Variants in NDST4 observed in about 807,000 individuals in gnomAD.
The protein encoded by NDST4 is N-deacetylase and N-sulfotransferase 4, also known as N-heparan sulfate sulfotransferase 4.
A neutral mutation model predicts 100.8 loss-of-function variants in NDST4; 63 were observed. The ratio of observed to expected loss-of-function variants is 0.62; its 90% CI spans 0.51 to 0.77. NDST4 has a LOEUF of 0.77. Among genes scored for constraint, NDST4 ranks in the 30% least tolerant of loss-of-function variants. NDST4 has a pLI of 0.00. For missense variants in NDST4, 943 were observed against 1,018.4 expected (o/e 0.93, Z 1.01); for synonymous variants, 377 against 361.8 (o/e 1.04, Z -0.48).
chr4:115,025,869 C>CA (rs989897016), intron 2 of NDST4, among the ~76,000 whole-genome samples: 2 of 152,024 alleles, frequency 1.3e-5, no homozygotes, highest in African/African-American at 4.8e-5. Context: ...GTAAATTCTG[C>CA]AAAAATCTTT....
At chr4:115,086,131 CTT>C (rs998274652) in intron 1 of NDST4, among the ~76,000 whole-genome samples, 1 of 152,076 alleles carries the variant, frequency 6.6e-6, no homozygotes, top group African/African-American at 2.4e-5. Flanking sequence ...AATGCAGTCT[CTT>C]ATGATTCTGA....
intron 4 of NDST4, among the ~76,000 whole-genome samples, chr4:114,962,908 T>C (rs1433146065): frequency 2.0e-5 from 3 of 151,994 alleles, no homozygotes; most frequent in Non-Finnish European, 4.4e-5. Flanking sequence ...ATAATAAAGG[T>C]AGATAATAAC....
chr4:114,996,026 C>T (rs1264674596), intron 2 of NDST4, among the ~76,000 whole-genome samples: 1 of 152,022 alleles, frequency 6.6e-6, no homozygotes, highest in Non-Finnish European at 1.5e-5. Flanking sequence ...GCTGACATTT[C>T]CATAGGAAAC....
intron 2 of NDST4, among the ~76,000 whole-genome samples, chr4:115,030,941 A>G (rs1321483405): frequency 6.6e-6 from 1 of 152,118 alleles, no homozygotes; most frequent in African/African-American, 2.4e-5. Context: ...CACACCCTGT[A>G]AACAACTGTA....
intron 2 of NDST4, among the ~76,000 whole-genome samples, chr4:114,987,242 G>T (rs764579240): frequency 1.2e-4 from 19 of 152,176 alleles, no homozygotes; most frequent in Non-Finnish European, 2.5e-4. Flanking sequence ...TGGGAGACAA[G>T]GAGTTTATAA....
At chr4:114,957,267 C>G (rs977353616) in intron 4 of NDST4, among the ~76,000 whole-genome samples, 1 of 152,308 alleles carries the variant, frequency 6.6e-6, no homozygotes, top group African/African-American at 2.4e-5. Context: ...TTCCACATGG[C>G]TGGGGAGGTC....
At chr4:114,867,665 C>CAAAAAAAAAAAAAAAAGA (rs1724061643) in intron 7 of NDST4, among the ~76,000 whole-genome samples, 2 of 79,900 alleles carry the variant, frequency 2.5e-5, no homozygotes, top group East Asian at 4.0e-4. Flanking sequence ...AAAAAAAAAG[C>CAAAAAAAAAAAAAAAAGA]AAAAAAAAAA....
chr4:114,952,388 G>C (rs1341628114), intron 4 of NDST4, among the ~76,000 whole-genome samples: 1 of 151,966 alleles, frequency 6.6e-6, no homozygotes, highest in Non-Finnish European at 1.5e-5. Flanking sequence ...TTTGGTGGGT[G>C]GGAGGGTCTG....
Position 114,839,482 on chromosome 4 carries a change from G to A in NDST4, c.2182C>T (p.His728Tyr). 1 of 1,613,976 alleles carries A rather than the reference G, an allele frequency of 6.2e-7. No homozygotes were observed. The highest frequency in any genetic ancestry group is 8.5e-7 in the Non-Finnish European group (1 of 1,179,914). ...GTTTTTAAGTCAGATGGAGCCCAAT[G>A]TCCTGTTGAAATAACTTCATAGAAA... ...FNFYEVISTG[H>Y]WAPSDLKTLQ... is the part of the protein sequence containing the mutation. The change falls in exon 11 of 14, where the codon CAT becomes TAT. Residue 728 changes from histidine to tyrosine, a missense_variant. Around this residue, in one of 2 missense-constraint regions of NDST4, gnomAD observed 526 missense variants for 634.1 expected, o/e 0.83. Transcript: ENST00000264363.
At chr4:114,851,505 A>C (rs775068595) in intron 8 of NDST4, among the ~76,000 whole-genome samples, 3 of 152,220 alleles carry the variant, frequency 2.0e-5, no homozygotes, top group Non-Finnish European at 4.4e-5. Flanking sequence ...AAACAACAAG[A>C]AAGAAAAATA....
chr4:114,930,609 C>T lies in NDST4; in HGVS notation c.1536+4597G>A, dbSNP rs987430168. ...TAGAGCTTTACCACAGCCAACTTAGCTATAGCTTTGTTGACAGTGTATCTT... is the reference window on the plus strand; with the variant it reads ...TAGAGCTTTACCACAGCCAACTTAGTTATAGCTTTGTTGACAGTGTATCTT... On this transcript the variant is annotated intron_variant, in intron 6 of 13. Transcript: ENST00000264363. Among the ~76,000 whole-genome samples, 18 of 152,248 alleles carry T rather than the reference C, an allele frequency of 1.2e-4. 1 individual carries two copies. The East Asian group carries it at 2.3e-3, about 20-fold the overall frequency.
At chr4:114,921,217 A>G (rs941189035) in intron 6 of NDST4, among the ~76,000 whole-genome samples, 14 of 152,232 alleles carry the variant, frequency 9.2e-5, no homozygotes, top group Non-Finnish European at 1.9e-4. Flanking sequence ...AAAGAAAAAA[A>G]ATTGTTTAGA....
At chr4:114,900,839 T>C (rs995922765) in intron 6 of NDST4, among the ~76,000 whole-genome samples, 4 of 152,160 alleles carry the variant, frequency 2.6e-5, no homozygotes, top group Non-Finnish European at 4.4e-5. Context: ...TGACAAGCTG[T>C]GTTCTCATTT....
chr4:114,953,020 C>A (rs867983466), intron 4 of NDST4, among the ~76,000 whole-genome samples: 1 of 135,936 alleles, frequency 7.4e-6, no homozygotes, highest in Admixed American at 7.3e-5. Flanking sequence ...CATTTTTTTT[C>A]TTTTTTTTTT....
rs1726791184 is a variant in NDST4, at chr4:114,982,180, G to T, written c.979-4906C>A. On this transcript the variant is annotated intron_variant, in intron 2 of 13. Transcript: ENST00000264363. The stretch of plus-strand genomic sequence containing the variant: ...CTGCTATAATGACACCTGAAAATGT[G>T]GAAGCAACTTTGGAACTGGGTAATG... Among the ~76,000 whole-genome samples, 2 of 152,182 alleles carry T rather than the reference G, an allele frequency of 1.3e-5. 1 individual carries two copies. The highest frequency in any genetic ancestry group is 4.1e-4 in the South Asian group (2 of 4,838).
intron 1 of NDST4, among the ~76,000 whole-genome samples, chr4:115,106,179 T>C (rs1729830051): frequency 6.6e-6 from 1 of 152,106 alleles, no homozygotes; most frequent in Non-Finnish European, 1.5e-5. Flanking sequence ...AAGACTGCTA[T>C]TAACATGAGG....
Position 114,913,365 on chromosome 4 carries a change from T to C in NDST4, c.1536+21841A>G, listed in dbSNP as rs187967316. Among the ~76,000 whole-genome samples, 93 of 152,172 alleles carry C rather than the reference T, an allele frequency of 6.1e-4. 2 individuals carry two copies. Among genetic ancestry groups the C allele is most frequent in the Admixed American group, 4.9e-3 (75 of 15,248 alleles). ...AACTTTCTAAAATTTTCAACAATAG[T>C]TATTTTTGCCTATAGTGGTGCTTCT... On this transcript the variant is annotated intron_variant, in intron 6 of 13. Coordinates refer to ENST00000264363, the MANE Select transcript of NDST4 (RefSeq NM_022569.3).
chr4:115,015,747 C>G (rs1022486396), intron 2 of NDST4, among the ~76,000 whole-genome samples: 2 of 152,022 alleles, frequency 1.3e-5, no homozygotes, highest in Non-Finnish European at 2.9e-5. Context: ...GGCTCATGAA[C>G]AAAGTGGCCA....
chr4:115,044,458 A>C (rs768300170), intron 2 of NDST4, among the ~76,000 whole-genome samples: 1 of 152,114 alleles, frequency 6.6e-6, no homozygotes, highest in Non-Finnish European at 1.5e-5. Context: ...GAGGGAAAAC[A>C]AAAGATTCTA....
Sources: allele counts gnomAD v4.1 joint callset (sites outside exome capture counted in the v4.1 genomes callset), GRCh38; gene constraint gnomAD v4.1.1; regional missense constraint gnomAD v4.1.1; transcripts MANE v1.5; gene names NCBI Gene and HGNC (gene_info 2026-07-23, HGNC 2026-07-21).